Variants in PTPRT observed in about 807,000 individuals in gnomAD.
PTPRT encodes protein tyrosine phosphatase receptor type T, also known as receptor-type tyrosine-protein phosphatase T.
Under a neutral mutation model 176.8 loss-of-function variants are expected in PTPRT, and 56 were observed. The observed-to-expected ratio is 0.32, with a 90% CI of 0.26 to 0.40. The LOEUF (loss-of-function observed/expected upper bound fraction) is 0.40, where lower values mean the gene tolerates loss of function less well. Ranked by LOEUF, PTPRT falls within the 10% of genes least tolerant of loss-of-function variation. The pLI is 1.00. For missense variants in PTPRT, 1,540 were observed against 1,908.2 expected (o/e 0.81, Z 3.60); for synonymous variants, 783 against 739.0 (o/e 1.06, Z -0.96).
At chr20:42,921,756 A>G (rs1979160140) in intron 1 of PTPRT, among the ~76,000 whole-genome samples, 1 of 152,216 alleles carries the variant, frequency 6.6e-6, no homozygotes, top group Non-Finnish European at 1.5e-5. Flanking sequence ...CACTCCAATC[A>G]GGGTCTTGCT....
At chr20:42,155,914 T>C (rs149691403) in intron 17 of PTPRT, among the ~76,000 whole-genome samples, 71 of 152,310 alleles carry the variant, frequency 4.7e-4, no homozygotes, top group African/African-American at 1.6e-3. Context: ...CTTCGATGGC[T>C]CCAGTGGCTT....
intron 1 of PTPRT, among the ~76,000 whole-genome samples, chr20:43,069,307 A>G (rs1215038194): frequency 2.0e-5 from 3 of 152,124 alleles, no homozygotes; most frequent in African/African-American, 7.2e-5. Flanking sequence ...TGTTACTACT[A>G]CTCAAGGTCT....
intron 7 of PTPRT, among the ~76,000 whole-genome samples, chr20:42,600,997 C>T (rs2073771588): frequency 6.6e-6 from 1 of 152,140 alleles, no homozygotes; most frequent in Non-Finnish European, 1.5e-5. Flanking sequence ...AATGTCAAGG[C>T]ACTGCATTGA....
intron 1 of PTPRT, among the ~76,000 whole-genome samples, chr20:42,949,578 T>C (rs1423400290): frequency 6.6e-6 from 1 of 152,222 alleles, no homozygotes; most frequent in Non-Finnish European, 1.5e-5. Flanking sequence ...CCAGCCATTT[T>C]TGCCTTTGAT....
At chr20:42,185,712 A>G (rs1033717796) in intron 16 of PTPRT, among the ~76,000 whole-genome samples, 1 of 152,228 alleles carries the variant, frequency 6.6e-6, no homozygotes, top group African/African-American at 2.4e-5. Context: ...CTGAGTATAT[A>G]GGATTTATAT....
chr20:42,093,644 C>A (rs540448347), intron 27 of PTPRT, among the ~76,000 whole-genome samples: 100 of 152,200 alleles, frequency 6.6e-4, no homozygotes, highest in Non-Finnish European at 1.2e-3. Flanking sequence ...GGTTCCCAGG[C>A]AAACCACAGG....
chr20:42,427,454 C>T (rs747492872), intron 9 of PTPRT, among the ~76,000 whole-genome samples: 3 of 152,138 alleles, frequency 2.0e-5, no homozygotes, highest in Admixed American at 2.0e-4. Context: ...GGGAAATCCA[C>T]GATCAAGGTG....
intron 17 of PTPRT, among the ~76,000 whole-genome samples, chr20:42,158,084 C>G (rs1049544113): frequency 6.6e-6 from 1 of 152,220 alleles, no homozygotes; most frequent in Non-Finnish European, 1.5e-5. Flanking sequence ...CCCTGTTGTA[C>G]CCTGCACAGA....
chr20:42,214,036 C>T (rs2055709843), intron 15 of PTPRT, among the ~76,000 whole-genome samples: 1 of 152,106 alleles, frequency 6.6e-6, no homozygotes, highest in Non-Finnish European at 1.5e-5. Context: ...TTCCTTAATT[C>T]TGCTACAACA....
chr20:43,000,092 AGGG>A, intron 1 of PTPRT, among the ~76,000 whole-genome samples: 6 of 67,222 alleles, frequency 8.9e-5, no homozygotes, highest in African/African-American at 1.7e-4. Flanking sequence ...GGAGGGAGGG[AGGG>A]AGGGAATAAA....
chr20:42,167,999 TG>T (rs778185305), intron 16 of PTPRT, among the ~76,000 whole-genome samples: 182 of 152,326 alleles, frequency 1.2e-3, no homozygotes, highest in Non-Finnish European at 2.4e-3. Context: ...ACATGTTGTA[TG>T]TTATATGTGT....
chr20:42,150,048 G>C (rs1278098668), intron 17 of PTPRT, among the ~76,000 whole-genome samples: 1 of 152,178 alleles, frequency 6.6e-6, no homozygotes, highest in African/African-American at 2.4e-5. Context: ...CTAGAACTGA[G>C]AATGATCGCT....
rs573882416 is a variant in PTPRT, at chr20:42,741,503, C to A, written c.859+14959G>T. ...GGGATTACAGGCAACCACCACCACA[C>A]CCGGCTAATTTCTTGTATTTTTAGT... On this transcript the variant is annotated intron_variant, in intron 6 of 30. Transcript: ENST00000373187. Among the ~76,000 whole-genome samples, 6 of 152,278 alleles carry A rather than the reference C, an allele frequency of 3.9e-5. No homozygotes were observed. In the East Asian group the frequency reaches 1.2e-3, roughly 29 times the overall value.
intron 8 of PTPRT, among the ~76,000 whole-genome samples, chr20:42,453,313 T>C (rs2070864295): frequency 2.0e-5 from 3 of 152,158 alleles, no homozygotes; most frequent in South Asian, 4.1e-4. Flanking sequence ...TCTTCATGTA[T>C]TAATGCTTCT....
intron 1 of PTPRT, among the ~76,000 whole-genome samples, chr20:42,979,561 A>T (rs950440289): frequency 6.6e-6 from 1 of 152,160 alleles, no homozygotes; most frequent in Admixed American, 6.6e-5. Flanking sequence ...CAACTGAAAT[A>T]TCCTTAAGGT....
At chr20:42,965,249 C>T (rs906533534) in intron 1 of PTPRT, among the ~76,000 whole-genome samples, 13 of 152,124 alleles carry the variant, frequency 8.5e-5, no homozygotes, top group Admixed American at 5.2e-4. Flanking sequence ...AAAGAAAGCC[C>T]GGATTTATAG....
intron 1 of PTPRT, among the ~76,000 whole-genome samples, chr20:42,992,378 C>G (rs893009153): frequency 7.9e-5 from 12 of 152,196 alleles, no homozygotes; most frequent in African/African-American, 2.7e-4. Flanking sequence ...TCATCAGTGC[C>G]CATCCCTGGA....
chr20:42,951,009 T>C (rs964803622), intron 1 of PTPRT, among the ~76,000 whole-genome samples: 23 of 152,258 alleles, frequency 1.5e-4, no homozygotes, highest in African/African-American at 5.3e-4. Flanking sequence ...AAGAGCACTT[T>C]TATTTCTGAC....
chr20:42,466,860 C>A (rs1323457478), intron 8 of PTPRT, among the ~76,000 whole-genome samples: 1 of 152,068 alleles, frequency 6.6e-6, no homozygotes, highest in Non-Finnish European at 1.5e-5. Flanking sequence ...AGGTCTGGGG[C>A]AGGGACATTA....
Sources: gnomAD v4.1 joint callset for allele counts (sites outside exome capture counted in the v4.1 genomes callset) on GRCh38, gnomAD v4.1.1 for gene constraint, MANE v1.5 for transcripts, NCBI Gene and HGNC (gene_info 2026-07-23, HGNC 2026-07-21) for gene names.